The following PHF24 variants were observed in gnomAD, a reference collection of about 807,000 sequenced individuals.
PHF24 encodes PHD finger protein 24.
PHF24 carries 25 observed loss-of-function variants against 42.6 expected under a neutral mutation model. The observed-to-expected ratio is 0.59, with a 90% CI of 0.43 to 0.82. The LOEUF is 0.82. Among genes scored for constraint, PHF24 ranks in the 40% least tolerant of loss-of-function variants. PHF24 has a pLI of 0.00. For synonymous variants in PHF24, 185 were observed against 204.8 expected (o/e 0.90, Z 0.83); for missense variants, 470 against 538.1 (o/e 0.87, Z 1.25).
chr9:34,684,431 G>T, the PHF24 span, among the ~76,000 whole-genome samples: 1 of 152,172 alleles, frequency 6.6e-6, no homozygotes, highest in Non-Finnish European at 1.5e-5. Context: ...ACTACAGAGA[G>T]GATGGTGCCC....
chr9:34,683,065 CTTT>C, the PHF24 span, among the ~76,000 whole-genome samples: 7 of 144,630 alleles, frequency 4.8e-5, no homozygotes, highest in Admixed American at 6.8e-5. Context: ...TTCTTTCTCT[CTTT>C]TTTTTTTTTT....
the PHF24 span, among the ~76,000 whole-genome samples, chr9:34,850,913 G>C: frequency 7.9e-5 from 12 of 152,218 alleles, no homozygotes; most frequent in Non-Finnish European, 1.6e-4. Context: ...CAGAACAGCG[G>C]ATTTTTGTGA....
exon 8 of PHF24, chr9:34,978,150 C>T (rs1485442207): frequency 1.4e-6 from 2 of 1,464,620 alleles, no homozygotes; most frequent in Non-Finnish European, 1.9e-6. Flanking sequence ...CAGTGACATC[C>T]TCTCCCTCCT....
At chr9:34,963,599 G>T (rs2132865511) in intron 1 of PHF24, among the ~76,000 whole-genome samples, 2 of 152,324 alleles carry the variant, frequency 1.3e-5, no homozygotes, top group South Asian at 4.1e-4. Context: ...CTGCCCTCCT[G>T]TGGGCCTCAC....
chr9:34,710,809 A>G, the PHF24 span, among the ~76,000 whole-genome samples: 1 of 151,342 alleles, frequency 6.6e-6, no homozygotes, highest in Non-Finnish European at 1.5e-5. Flanking sequence ...TTTTCTAGAG[A>G]TGAGGTCTTG....
At chr9:34,718,977 C>T in the PHF24 span, among the ~76,000 whole-genome samples, 1 of 152,330 alleles carries the variant, frequency 6.6e-6, no homozygotes, top group South Asian at 2.1e-4. Flanking sequence ...ACCCAAAGAT[C>T]CCAAGCAAGC....
At chr9:34,790,885 GAGGGGCAGGAATAGCA>G in the PHF24 span, among the ~76,000 whole-genome samples, 47 of 152,328 alleles carry the variant, frequency 3.1e-4, no homozygotes, top group East Asian at 9.1e-3. Context: ...AAGGTGCCAA[GAGGGGCAGGAATAGCA>G]AGCAGGCCAG....
chr9:34,963,420 A>T (rs546815814), intron 1 of PHF24, among the ~76,000 whole-genome samples: 7 of 152,170 alleles, frequency 4.6e-5, no homozygotes, highest in Non-Finnish European at 1.0e-4. Context: ...TGTGTTAGGC[A>T]TATGGCTTTT....
At chr9:34,849,398 G>A in the PHF24 span, among the ~76,000 whole-genome samples, 2 of 151,838 alleles carry the variant, frequency 1.3e-5, no homozygotes, top group East Asian at 1.9e-4. Context: ...TTTAAAGTCT[G>A]TTTTATCAGA....
chr9:34,886,635 TC>T, the PHF24 span, among the ~76,000 whole-genome samples: 1 of 152,150 alleles, frequency 6.6e-6, no homozygotes, highest in Non-Finnish European at 1.5e-5. Flanking sequence ...TTCTTCCTCT[TC>T]TTCTCAATCT....
chr9:34,949,142 G>T, the PHF24 span, among the ~76,000 whole-genome samples: 12 of 152,162 alleles, frequency 7.9e-5, no homozygotes, highest in Admixed American at 5.9e-4. Context: ...GGATACAGAA[G>T]ACCTGAATGA....
the PHF24 span, among the ~76,000 whole-genome samples, chr9:34,757,814 G>A: frequency 7.2e-4 from 110 of 152,254 alleles, no homozygotes; most frequent in Non-Finnish European, 1.4e-3. Context: ...TGTTTCTCAG[G>A]TTAGTGGTGC....
chr9:34,936,843 G>A, the PHF24 span, among the ~76,000 whole-genome samples: 1 of 149,286 alleles, frequency 6.7e-6, no homozygotes, highest in African/African-American at 2.5e-5. Context: ...CAACCGCCCC[G>A]TCTGATAAGT....
chr9:34,870,880 T>A, the PHF24 span, among the ~76,000 whole-genome samples: 2 of 152,330 alleles, frequency 1.3e-5, no homozygotes, highest in African/African-American at 4.8e-5. Flanking sequence ...TGCTTCCAAG[T>A]TTTGGAAATC....
At chr9:34,973,554 T>G (rs1310547786) in intron 3 of PHF24, among the ~76,000 whole-genome samples, 1 of 152,240 alleles carries the variant, frequency 6.6e-6, no homozygotes, top group African/African-American at 2.4e-5. Flanking sequence ...GTCCTGCAGA[T>G]ATCGTCATTG....
the PHF24 span, among the ~76,000 whole-genome samples, chr9:34,842,920 A>G: frequency 6.6e-6 from 1 of 152,160 alleles, no homozygotes; most frequent in African/African-American, 2.4e-5. Context: ...ATTCTAATAT[A>G]TGTGTAATGG....
the PHF24 span, among the ~76,000 whole-genome samples, chr9:34,764,567 C>T: frequency 2.8e-4 from 42 of 150,802 alleles, no homozygotes; most frequent in South Asian, 1.9e-3. Flanking sequence ...TTTTTTATTG[C>T]GTCTATTTGA....
the PHF24 span, among the ~76,000 whole-genome samples, chr9:34,860,687 A>AGTGTGTGT: frequency 4.9e-3 from 728 of 150,050 alleles, 8 homozygotes; most frequent in African/African-American, 0.016. Flanking sequence ...GACCTTTAAA[A>AGTGTGTGT]GTGTGTGTGT....
At chr9:34,926,575 G>A in the PHF24 span, among the ~76,000 whole-genome samples, 1 of 152,262 alleles carries the variant, frequency 6.6e-6, no homozygotes, top group South Asian at 2.1e-4. The surrounding 1 kb of genome is among the most constrained non-coding windows in gnomAD (Gnocchi z 4.3). Context: ...GTAAGCACAG[G>A]GCTATTTGAT....
Sources: gnomAD v4.1 joint callset for allele counts (sites outside exome capture counted in the v4.1 genomes callset) on GRCh38, gnomAD v4.1.1 for gene constraint, Gnocchi (gnomAD v3.1) non-coding constraint, MANE v1.5 for transcripts, NCBI Gene and HGNC (gene_info 2026-07-23, HGNC 2026-07-21) for gene names.